The following C2orf49 variants were observed in gnomAD, a reference collection of about 807,000 sequenced individuals.
C2orf49 encodes the protein tRNA splicing ligase complex subunit 2.
C2orf49 carries 11 observed loss-of-function variants against 20.6 expected under a neutral mutation model. The observed-to-expected ratio is 0.53, with a 90% CI of 0.34 to 0.88. C2orf49 has a LOEUF of 0.88. Among genes scored for constraint, C2orf49 ranks in the 40% least tolerant of loss-of-function variants. The pLI, the probability that C2orf49 is intolerant of heterozygous loss-of-function variation, is 0.02. For synonymous variants in C2orf49, 134 were observed against 108.5 expected (o/e 1.24, Z -1.46); for missense variants, 289 against 274.2 (o/e 1.05, Z -0.38).
At chr2:105,359,171 G>A in the C2orf49 span, 1 of 151,848 alleles carries the variant, frequency 6.6e-6, no homozygotes, top group Non-Finnish European at 1.5e-5. Context: ...AGTCCAATTG[G>A]AGCTATTTAC....
the C2orf49 span, among the ~76,000 whole-genome samples, chr2:105,362,704 C>G: frequency 6.6e-6 from 1 of 152,230 alleles, no homozygotes; most frequent in Non-Finnish European, 1.5e-5. Flanking sequence ...CTCCTCTGTT[C>G]TCCACACTGA....
At chr2:105,371,546 ATCTCTCTCTCTCTC>A in the C2orf49 span, among the ~76,000 whole-genome samples, 1 of 140,970 alleles carries the variant, frequency 7.1e-6, no homozygotes, top group Non-Finnish European at 1.5e-5. Context: ...ATCCCTTGAA[ATCTCTCTCTCTCTC>A]TCTCTCTCTC....
the C2orf49 span, among the ~76,000 whole-genome samples, chr2:105,380,444 G>C: frequency 6.6e-6 from 1 of 152,068 alleles, no homozygotes; most frequent in Non-Finnish European, 1.5e-5. Context: ...GCCCAGGCTG[G>C]TCTCAAACTC....
intron 3 of C2orf49, among the ~76,000 whole-genome samples, chr2:105,344,384 C>A (rs1182983094): frequency 2.0e-5 from 3 of 151,048 alleles, no homozygotes; most frequent in Admixed American, 6.6e-5. Flanking sequence ...TTTTTTTTTT[C>A]CAGGCTCTTA....
chr2:105,355,179 G>T, the C2orf49 span, among the ~76,000 whole-genome samples: 1 of 152,116 alleles, frequency 6.6e-6, no homozygotes, highest in Non-Finnish European at 1.5e-5. Flanking sequence ...TCCTTTTCAT[G>T]CATGGAGGGA....
chr2:105,352,426 T>TG (rs1198259382), downstream of C2orf49, among the ~76,000 whole-genome samples: 6 of 108,596 alleles, frequency 5.5e-5, no homozygotes, highest in South Asian at 1.2e-3. Context: ...TTTGTTTGTT[T>TG]GGGTTTTTTT....
the C2orf49 span, among the ~76,000 whole-genome samples, chr2:105,375,041 G>T: frequency 3.9e-5 from 6 of 152,200 alleles, no homozygotes; most frequent in African/African-American, 1.4e-4. Flanking sequence ...TGTAGGATGT[G>T]AAGACATGGA....
At chr2:105,356,749 CTTAA>C in the C2orf49 span, among the ~76,000 whole-genome samples, 1 of 152,080 alleles carries the variant, frequency 6.6e-6, no homozygotes, top group Non-Finnish European at 1.5e-5. Flanking sequence ...AATAAAAAGT[CTTAA>C]TTATATAGCT....
At chr2:105,338,609 A>G (rs962714836) in intron 1 of C2orf49, among the ~76,000 whole-genome samples, 1 of 152,204 alleles carries the variant, frequency 6.6e-6, no homozygotes, top group Non-Finnish European at 1.5e-5. Flanking sequence ...AATACTTTCC[A>G]AAGTAATGGG....
Position 105,345,474 on chromosome 2 carries a change from CT to C in C2orf49, c.*105del, listed in dbSNP as rs1679789512. 1.1e-6 allele frequency: 1 copy of C among 934,680 alleles called. No individual in the cohort carries two copies. The highest frequency in any genetic ancestry group is 1.6e-6 in the Non-Finnish European group (1 of 610,052). 57.9% of individuals were successfully genotyped at this position (934,680 alleles called of 1,614,324 possible). On this transcript the variant is annotated 3_prime_UTR_variant, in exon 4 of 4. Transcript: ENST00000258457. The stretch of plus-strand genomic sequence containing the variant: ...GAAATCCTGATTATTGTGGAATTTT[CT>C]TAAGAGGTTTCAAATAGGTTTAAAA...
chr2:105,350,140 T>C (rs911405788), downstream of C2orf49, among the ~76,000 whole-genome samples: 2 of 152,186 alleles, frequency 1.3e-5, no homozygotes, highest in African/African-American at 4.8e-5. Context: ...ATGAGCTTCC[T>C]GGTGGGATCA....
chr2:105,338,688 G>A (rs1679574480), intron 1 of C2orf49, among the ~76,000 whole-genome samples: 2 of 152,090 alleles, frequency 1.3e-5, no homozygotes, highest in African/African-American at 2.4e-5. Flanking sequence ...AGCGAGTACG[G>A]GCTAAAAATA....
At chr2:105,358,376 C>T in the C2orf49 span, 1 of 152,328 alleles carries the variant, frequency 6.6e-6, no homozygotes, top group Non-Finnish European at 1.5e-5. Context: ...GATTGCCCCT[C>T]CCAATGTGGA....
Position 105,339,658 on chromosome 2 carries a change from C to A in C2orf49, c.175C>A (p.Pro59Thr). The A allele has an allele frequency of 6.2e-7, 1 of 1,609,314 alleles. No homozygotes were observed. The highest frequency in any genetic ancestry group is 8.5e-7 in the Non-Finnish European group (1 of 1,178,766). The change falls in exon 2 of 4, where the codon CCA becomes ACA. Residue 59 changes from proline (P) to threonine (T), a missense_variant. Transcript: ENST00000258457. ...TGACCTTTATGTCCAACATGCAATA[C>A]CATTGCCTCAGAGGGATTTGCCGAA... ...LTDLYVQHAIPLPQRDLPKNR... is the reference protein window; with the variant it reads ...LTDLYVQHAITLPQRDLPKNR...
chr2:105,354,680 TAAAA>T, the C2orf49 span, among the ~76,000 whole-genome samples: 1 of 150,884 alleles, frequency 6.6e-6, no homozygotes, highest in African/African-American at 2.4e-5. Flanking sequence ...AAAAAAAAAT[TAAAA>T]AAGAATTTTA....
chr2:105,384,057 T>C, the C2orf49 span, among the ~76,000 whole-genome samples: 10 of 152,218 alleles, frequency 6.6e-5, no homozygotes, highest in African/African-American at 2.2e-4. Context: ...TAAGGGTCTT[T>C]CCACTAAATC....
intron 2 of C2orf49, among the ~76,000 whole-genome samples, chr2:105,340,188 G>A (rs1364077151): frequency 6.6e-6 from 1 of 152,188 alleles, no homozygotes; most frequent in Non-Finnish European, 1.5e-5. Flanking sequence ...TAGGAAGAAC[G>A]AGTTGTACTG....
the C2orf49 span, among the ~76,000 whole-genome samples, chr2:105,382,716 C>A: frequency 5.6e-3 from 858 of 152,124 alleles, 19 homozygotes; most frequent in Admixed American, 0.045. Flanking sequence ...CTTTGTAGCA[C>A]CCTCCAAGCA....
At chr2:105,361,900 G>A in the C2orf49 span, among the ~76,000 whole-genome samples, 3 of 152,138 alleles carry the variant, frequency 2.0e-5, no homozygotes, top group Non-Finnish European at 4.4e-5. Context: ...TGCGATGTGG[G>A]TGGGAATGAG....
Sources: gnomAD v4.1 joint callset for allele counts (sites outside exome capture counted in the v4.1 genomes callset) on GRCh38, gnomAD v4.1.1 for gene constraint, MANE v1.5 for transcripts, NCBI Gene and HGNC (gene_info 2026-07-23, HGNC 2026-07-21) for gene names.